The following PPFIBP2 variants were observed in gnomAD, a reference collection of about 807,000 sequenced individuals.
The protein encoded by PPFIBP2 is PPFIB scaffold protein 2.
PPFIBP2 carries 118 observed loss-of-function variants against 118.3 expected under a neutral mutation model. That is an observed-to-expected ratio of 1.00 (90% confidence interval 0.86 to 1.16). PPFIBP2 has a LOEUF of 1.16. Among genes scored for constraint, PPFIBP2 ranks in the 50% most tolerant of loss-of-function variants. The pLI is 0.00. For synonymous variants in PPFIBP2, 414 were observed against 397.4 expected (o/e 1.04, Z -0.50); for missense variants, 1,195 against 1,073.1 (o/e 1.11, Z -1.59).
chr11:7,634,233 G>C (rs1412365795), intron 12 of PPFIBP2, among the ~76,000 whole-genome samples: 1 of 152,150 alleles, frequency 6.6e-6, no homozygotes, highest in Non-Finnish European at 1.5e-5. Flanking sequence ...GTGTATTCTG[G>C]CTTTTTGTGC....
At chr11:7,652,543 T>C (rs1240928197) in intron 23 of PPFIBP2, among the ~76,000 whole-genome samples, 1 of 152,140 alleles carries the variant, frequency 6.6e-6, no homozygotes, top group Non-Finnish European at 1.5e-5. Flanking sequence ...AGACAGGAAG[T>C]ATGTCTGGGG....
the PPFIBP2 span, among the ~76,000 whole-genome samples, chr11:7,664,153 G>A: frequency 2.0e-4 from 30 of 152,276 alleles, no homozygotes; most frequent in South Asian, 5.0e-3. Context: ...GTTCCTATTC[G>A]GCCGTCTTGG....
At position 7,593,163 on chromosome 11, in the gene PPFIBP2, A is replaced by G. The variant is rs1859650835; in HGVS notation, c.311A>G (p.Asn104Ser). The change falls in exon 4 of 24, where the codon AAT (asparagine) becomes AGT (serine). Residue 104 changes from asparagine (N) to serine (S), a missense_variant. Transcript: ENST00000299492. ...GTAAACCACCACAGTGCTGCTAGTAATGAAACCTACCAGGAACGCTTGGCA... is the reference window on the plus strand; with the variant it reads ...GTAAACCACCACAGTGCTGCTAGTAGTGAAACCTACCAGGAACGCTTGGCA... ...SQVNHHSAAS[N>S]ETYQERLARL... 3.1e-6 allele frequency: 5 copies of G among 1,613,924 alleles called. No homozygotes were observed. Among genetic ancestry groups the G allele is most frequent in the Non-Finnish European group, 3.4e-6 (4 of 1,179,966 alleles).
chr11:7,645,992 T>A (rs1452252509), intron 17 of PPFIBP2, among the ~76,000 whole-genome samples: 2 of 152,218 alleles, frequency 1.3e-5, no homozygotes, highest in Non-Finnish European at 2.9e-5. Context: ...GAAATTATTC[T>A]TTCTTACATT....
chr11:7,610,113 G>A (rs1307556623), intron 5 of PPFIBP2, among the ~76,000 whole-genome samples, 178 bp from the exon 6 acceptor site: 2 of 152,166 alleles, frequency 1.3e-5, no homozygotes, highest in African/African-American at 4.8e-5. Flanking sequence ...CGCTATCCCT[G>A]AGTAGCCCAG....
intron 3 of PPFIBP2, among the ~76,000 whole-genome samples, chr11:7,592,164 C>T (rs1859439843): frequency 6.6e-6 from 1 of 152,154 alleles, no homozygotes; most frequent in Admixed American, 6.5e-5. Flanking sequence ...TTTCAAACTG[C>T]CAAGCCTCTG....
chr11:7,607,260 C>T (rs1226493782), intron 5 of PPFIBP2, among the ~76,000 whole-genome samples: 1 of 145,348 alleles, frequency 6.9e-6, no homozygotes, highest in Non-Finnish European at 1.5e-5. Flanking sequence ...TAGGCTGGAG[C>T]ACTGTGGCAT....
intron 6 of PPFIBP2, among the ~76,000 whole-genome samples, chr11:7,618,919 G>A (rs181984737): frequency 1.6e-3 from 223 of 140,018 alleles, no homozygotes; most frequent in African/African-American, 5.4e-3. Context: ...TGTTTTTAAC[G>A]GGCATCAGCA....
chr11:7,567,893 G>A (rs1457441480), intron 3 of PPFIBP2, among the ~76,000 whole-genome samples: 1 of 152,208 alleles, frequency 6.6e-6, no homozygotes, highest in Non-Finnish European at 1.5e-5. Context: ...TGACTCGTAA[G>A]CACATTAAAG....
At chr11:7,596,382 C>G (rs932626101) in intron 4 of PPFIBP2, among the ~76,000 whole-genome samples, 1 of 129,930 alleles carries the variant, frequency 7.7e-6, no homozygotes, top group African/African-American at 2.9e-5. Flanking sequence ...AGAAAGAGCC[C>G]GTTCTTGTTT....
chr11:7,550,712 G>A (rs1315602110), intron 2 of PPFIBP2, among the ~76,000 whole-genome samples: 1 of 152,214 alleles, frequency 6.6e-6, no homozygotes, highest in East Asian at 1.9e-4. Context: ...GGGTGTGTCT[G>A]TGAGAGTGTT....
At chr11:7,577,334 T>TGTGTGTGTGCGTGTGTGTGTGTGC in intron 3 of PPFIBP2, 2 of 271,194 alleles carry the variant, frequency 7.4e-6, no homozygotes, top group Non-Finnish European at 1.5e-5. Flanking sequence ...TGTGTGTGTG[T>TGTGTGTGTGCGTGTGTGTGTGTGC]GTGTGTGTGT....
chr11:7,539,176 G>T (rs1293580801), intron 1 of PPFIBP2: 3 of 152,346 alleles, frequency 2.0e-5, no homozygotes, highest in Non-Finnish European at 2.9e-5. Context: ...TTCACTGAAG[G>T]CATTCAGCAA....
chr11:7,584,392 A>G (rs1380403907), intron 3 of PPFIBP2, among the ~76,000 whole-genome samples: 4 of 152,194 alleles, frequency 2.6e-5, no homozygotes, highest in African/African-American at 4.8e-5. Flanking sequence ...AGGAGGGAAT[A>G]AGGGTCAAGG....
intron 2 of PPFIBP2, among the ~76,000 whole-genome samples, chr11:7,556,257 C>T (rs573799170): frequency 6.6e-5 from 10 of 152,192 alleles, no homozygotes; most frequent in East Asian, 5.8e-4. Context: ...AGATTGAGAC[C>T]ATCCTGGCTA....
intron 1 of PPFIBP2, among the ~76,000 whole-genome samples, chr11:7,549,237 A>G (rs1348353472): frequency 1.3e-5 from 2 of 152,158 alleles, no homozygotes; most frequent in Non-Finnish European, 2.9e-5. Context: ...ACAGAAGTGA[A>G]TGGGATTGTG....
intron 7 of PPFIBP2, among the ~76,000 whole-genome samples, chr11:7,621,575 C>T (rs1849361012): frequency 6.6e-6 from 1 of 152,146 alleles, no homozygotes; most frequent in African/African-American, 2.4e-5. Context: ...AAATTTCTTC[C>T]CTGTCCCCTT....
intron 4 of PPFIBP2, among the ~76,000 whole-genome samples, chr11:7,594,579 G>A (rs967149116): frequency 2.6e-5 from 4 of 151,584 alleles, no homozygotes; most frequent in Non-Finnish European, 4.4e-5. Context: ...GTTAGGAGTT[G>A]GAGACCAGCT....
chr11:7,609,146 T>C (rs1169969340), intron 5 of PPFIBP2, among the ~76,000 whole-genome samples: 2 of 152,196 alleles, frequency 1.3e-5, no homozygotes, highest in African/African-American at 4.8e-5. Context: ...AAGTCAAAAA[T>C]TTCTGTCCCG....
Sources: gnomAD v4.1 joint callset for allele counts (sites outside exome capture counted in the v4.1 genomes callset) on GRCh38, gnomAD v4.1.1 for gene constraint, MANE v1.5 for transcripts, NCBI Gene and HGNC (gene_info 2026-07-23, HGNC 2026-07-21) for gene names.